PRKCQ: variants seen among roughly 807,000 people sequenced by gnomAD.
PRKCQ encodes the protein protein kinase C theta type.
A neutral mutation model predicts 91.2 loss-of-function variants in PRKCQ; 41 were observed. That is an observed-to-expected ratio of 0.45 (90% CI 0.35 to 0.58). The LOEUF is 0.58. Among genes scored for constraint, PRKCQ ranks in the 20% least tolerant of loss-of-function variants. PRKCQ has a pLI of 0.00. For synonymous variants in PRKCQ, 307 were observed against 316.9 expected (o/e 0.97, Z 0.33); for missense variants, 673 against 896.5 (o/e 0.75, Z 3.18).
At chr10:6,485,111 T>G in intron 10 of PRKCQ, 41 bp downstream of exon 10, 3 of 1,543,966 alleles carry the variant, frequency 1.9e-6, no homozygotes, top group Non-Finnish European at 2.7e-6. Context: ...TAATTGAGAT[T>G]AATGACTGAC....
chr10:6,397,334 A>T, the PRKCQ span, among the ~76,000 whole-genome samples: 2 of 152,126 alleles, frequency 1.3e-5, no homozygotes, highest in South Asian at 4.1e-4. Context: ...ACATCAGGCA[A>T]TCCGCCCTCT....
intron 1 of PRKCQ, among the ~76,000 whole-genome samples, chr10:6,569,277 G>T (rs933533288): frequency 3.9e-5 from 6 of 152,048 alleles, no homozygotes; most frequent in Admixed American, 1.3e-4. Flanking sequence ...TGATGTGGAG[G>T]ATCAGGAAGA....
At chr10:6,454,213 A>G (rs371430568) in intron 15 of PRKCQ, among the ~76,000 whole-genome samples, 1 of 152,204 alleles carries the variant, frequency 6.6e-6, no homozygotes, top group South Asian at 2.1e-4. Flanking sequence ...ATATAAATAG[A>G]CAGATCTTGG....
At chr10:6,499,041 T>C (rs1334128720) in intron 4 of PRKCQ, among the ~76,000 whole-genome samples, 1 of 152,178 alleles carries the variant, frequency 6.6e-6, no homozygotes, top group Non-Finnish European at 1.5e-5. Flanking sequence ...TAGCAGGTTG[T>C]TGGAGACATG....
At chr10:6,452,539 C>T (rs113728028) in intron 15 of PRKCQ, among the ~76,000 whole-genome samples, 6 of 150,602 alleles carry the variant, frequency 4.0e-5, no homozygotes, top group African/African-American at 1.2e-4. Context: ...ATCAAGCTAC[C>T]AATGACTTTC....
chr10:6,574,163 T>C (rs565605876), intron 1 of PRKCQ, among the ~76,000 whole-genome samples: 13 of 152,280 alleles, frequency 8.5e-5, no homozygotes, highest in African/African-American at 3.1e-4. Flanking sequence ...TCTTGTTGTC[T>C]TTCCCTCCTA....
intron 1 of PRKCQ, among the ~76,000 whole-genome samples, chr10:6,574,985 A>G (rs143301327): frequency 5.8e-4 from 89 of 152,266 alleles, no homozygotes; most frequent in African/African-American, 2.0e-3. Flanking sequence ...CATTCTGCAC[A>G]TATTTGTTCA....
chr10:6,453,641 T>A (rs1388946431), intron 15 of PRKCQ, among the ~76,000 whole-genome samples: 1 of 152,186 alleles, frequency 6.6e-6, no homozygotes, highest in African/African-American at 2.4e-5. Flanking sequence ...TGTGGCACTA[T>A]TCACAATAGC....
intron 16 of PRKCQ, among the ~76,000 whole-genome samples, chr10:6,432,472 G>A (rs2132231238): frequency 1.3e-5 from 2 of 152,254 alleles, no homozygotes; most frequent in South Asian, 2.1e-4. Context: ...CAAATTCTTA[G>A]CAGTCTCAAC....
chr10:6,551,553 C>T (rs1363027050), intron 1 of PRKCQ, among the ~76,000 whole-genome samples: 1 of 152,016 alleles, frequency 6.6e-6, no homozygotes, highest in East Asian at 1.9e-4. Context: ...CCTGCCACCA[C>T]ACCCGGCTAA....
At chr10:6,505,831 A>C (rs1354935612) in intron 4 of PRKCQ, among the ~76,000 whole-genome samples, 1 of 152,118 alleles carries the variant, frequency 6.6e-6, no homozygotes, top group Non-Finnish European at 1.5e-5. Flanking sequence ...TTTTTGGTAG[A>C]GAATGGGTTT....
chr10:6,506,914 T>A (rs758741215), intron 4 of PRKCQ, among the ~76,000 whole-genome samples: 1 of 152,252 alleles, frequency 6.6e-6, no homozygotes, highest in Non-Finnish European at 1.5e-5. Context: ...AGTCCACATG[T>A]AACATGGAAT....
chr10:6,528,334 T>C (rs772234251), intron 1 of PRKCQ, among the ~76,000 whole-genome samples: 4 of 152,120 alleles, frequency 2.6e-5, no homozygotes, highest in Non-Finnish European at 4.4e-5. Flanking sequence ...TCTTCTCATG[T>C]TGCAGGATCT....
At position 6,497,552 on chromosome 10, in the gene PRKCQ, G is replaced by T. The variant is rs1198910212; in HGVS notation, c.543-301C>A. ...ATGCATCACAGACTCTTCGTAGCAC[G>T]TTTCCCTGTGCTAGATTTAAAAATT... On this transcript the variant is annotated intron_variant, in intron 5 of 17. Coordinates refer to ENST00000263125, the MANE Select transcript of PRKCQ (RefSeq NM_006257.5). This position sits in a 1 kb window ranked among gnomAD's most constrained non-coding sequence, Gnocchi z 4.5. 6.6e-6 allele frequency among the ~76,000 whole-genome samples: 1 copy of T among 152,196 alleles called. No individual in the cohort carries two copies. Among genetic ancestry groups the T allele is most frequent in the Non-Finnish European group, 1.5e-5 (1 of 68,032 alleles).
intron 15 of PRKCQ, among the ~76,000 whole-genome samples, chr10:6,452,605 G>A (rs919020219): frequency 1.5e-3 from 217 of 149,204 alleles, no homozygotes; most frequent in African/African-American, 4.9e-3. Flanking sequence ...AAAAGAACCC[G>A]CATCACCAAG....
At chr10:6,467,339 G>GAGAGAGAGAGAGAC (rs1835718488) in intron 12 of PRKCQ, among the ~76,000 whole-genome samples, 1 of 110,544 alleles carries the variant, frequency 9.0e-6, no homozygotes, top group African/African-American at 3.3e-5. Context: ...GACAGACAGA[G>GAGAGAGAGAGAGAC]AGAGAGAGAG....
chr10:6,484,657 T>A (rs1836797946), intron 10 of PRKCQ, among the ~76,000 whole-genome samples: 2 of 152,172 alleles, frequency 1.3e-5, no homozygotes, highest in Non-Finnish European at 2.9e-5. Context: ...TATTTTAGAA[T>A]GTATGCTGAA....
At chr10:6,426,224 C>T (rs1209344565), downstream of PRKCQ, among the ~76,000 whole-genome samples, 3 of 152,146 alleles carry the variant, frequency 2.0e-5, no homozygotes, top group East Asian at 1.9e-4. Flanking sequence ...GCGTCTTCAC[C>T]GACCCCATCA....
rs544633723 is a variant in PRKCQ, at chr10:6,562,103, G to A, written c.-10+18108C>T. 2.0e-4 allele frequency among the ~76,000 whole-genome samples: 30 copies of A among 152,238 alleles called. No individual in the cohort carries two copies. The South Asian group carries it at 6.0e-3, about 31-fold the overall frequency. On this transcript the variant is annotated intron_variant, in intron 1 of 17. Transcript: ENST00000263125. ...CACGGACCTGGCATCTGGAGATACC[G>A]GAAAGGAAAGAGAGAGGGATTGAGG...
Sources: gnomAD v4.1 joint callset for allele counts (sites outside exome capture counted in the v4.1 genomes callset) on GRCh38, gnomAD v4.1.1 for gene constraint, Gnocchi (gnomAD v3.1) non-coding constraint, MANE v1.5 for transcripts, NCBI Gene and HGNC (gene_info 2026-07-23, HGNC 2026-07-21) for gene names.